SMURF1: variants seen among roughly 807,000 people sequenced by gnomAD.
The protein encoded by SMURF1 is E3 ubiquitin-protein ligase SMURF1.
SMURF1 carries 44 observed loss-of-function variants against 98.0 expected under a neutral mutation model. That is an observed-to-expected ratio of 0.45 (90% CI 0.35 to 0.58). SMURF1 has a LOEUF of 0.58. SMURF1 is among the 20% of genes least tolerant of loss of function. The probability of loss-of-function intolerance (pLI) is 0.00; values close to 1 mark genes in which losing one functional copy is unlikely to be tolerated. For missense variants in SMURF1, 687 were observed against 938.4 expected, an observed-to-expected ratio of 0.73 and a Z score of 3.50; for synonymous variants, 396 against 374.9, an observed-to-expected ratio of 1.06 and a Z score of -0.65.
intron 17 of SMURF1, 29 bp downstream of exon 17, chr7:99,033,008 C>T (rs530844661): frequency 5.3e-5 from 84 of 1,597,340 alleles, no homozygotes; most frequent in East Asian, 3.4e-4. Context: ...GCTCCCAGGA[C>T]GCCGTGACTT....
chr7:99,125,972 G>A (rs954532388), intron 1 of SMURF1, among the ~76,000 whole-genome samples: 20 of 152,074 alleles, frequency 1.3e-4, no homozygotes, highest in Admixed American at 1.1e-3. Flanking sequence ...CTCTGTCTTC[G>A]CTTATGCTAT....
At chr7:99,064,550 G>T (rs180976683) in intron 1 of SMURF1, among the ~76,000 whole-genome samples, 27 of 152,182 alleles carry the variant, frequency 1.8e-4, no homozygotes, top group Admixed American at 1.6e-3. Flanking sequence ...CTTTTCATAA[G>T]TCTATTCAGA....
chr7:99,130,811 G>C (rs1001585575), intron 1 of SMURF1, among the ~76,000 whole-genome samples: 1 of 152,108 alleles, frequency 6.6e-6, no homozygotes, highest in African/African-American at 2.4e-5. Flanking sequence ...TGTATTGTGG[G>C]TGGGACTAAC....
In SMURF1 at chr7:99,033,667, C is replaced by A. The variant is rs534376774; in HGVS notation, c.2012-546G>T. 3.6e-4 allele frequency among the ~76,000 whole-genome samples: 55 copies of A among 152,358 alleles called. 1 individual carries two copies. In the South Asian group the frequency reaches 9.1e-3, roughly 25 times the overall value. The stretch of plus-strand genomic sequence containing the variant: ...AGAGCAAGGACTGCTAAGGCCCCCC[C>A]TAAAGTGCACCCTGACCATGGGCCT... On this transcript the variant is annotated intron_variant, in intron 16 of 17. Coordinates refer to ENST00000361368, the MANE Select transcript of SMURF1 (RefSeq NM_181349.3).
chr7:99,090,559 T>A (rs1243122634), intron 1 of SMURF1, among the ~76,000 whole-genome samples: 1 of 152,184 alleles, frequency 6.6e-6, no homozygotes, highest in Non-Finnish European at 1.5e-5. Flanking sequence ...TATTACATTT[T>A]AGGGGGCAAA....
chr7:99,118,468 A>G (rs367578249), intron 1 of SMURF1, among the ~76,000 whole-genome samples: 11 of 152,242 alleles, frequency 7.2e-5, no homozygotes, highest in African/African-American at 2.7e-4. Flanking sequence ...AAGAAAAAGG[A>G]ATGAAGTATT....
intron 17 of SMURF1, 42 bp from the exon 18 acceptor site, chr7:99,030,725 C>T (rs768222269): frequency 1.3e-6 from 2 of 1,549,830 alleles, no homozygotes; most frequent in South Asian, 2.2e-5. Context: ...GGCAGTCCAG[C>T]CCTAGGACCA....
intron 16 of SMURF1, among the ~76,000 whole-genome samples, chr7:99,034,407 G>A (rs780670341): frequency 7.0e-4 from 106 of 152,186 alleles, no homozygotes; most frequent in Non-Finnish European, 1.4e-3. Context: ...TTAGCATGTG[G>A]ACCTGCTGTG....
chr7:99,030,700 G>A lies in SMURF1; in HGVS notation c.2097-17C>T, dbSNP rs1794841858. ...CGGTTAAAGCTGAAAAAGGACAAAAGAGAGTCACCGTGTGGGCAGTCCAGC... is the reference window on the plus strand; with the variant it reads ...CGGTTAAAGCTGAAAAAGGACAAAAAAGAGTCACCGTGTGGGCAGTCCAGC... On this transcript the variant is annotated splice_polypyrimidine_tract_variant and intron_variant, in intron 17 of 17. Transcript: ENST00000361368. The A allele has an allele frequency of 6.8e-6, 11 of 1,610,346 alleles. No homozygotes were observed. The highest frequency in any genetic ancestry group is 9.3e-6 in the Non-Finnish European group (11 of 1,177,352).
chr7:99,120,753 A>G (rs1181302340), intron 1 of SMURF1: 1 of 151,178 alleles, frequency 6.6e-6, no homozygotes, highest in Non-Finnish European at 1.5e-5. Context: ...TTCACCATCA[A>G]TGGCAGCTTC....
chr7:99,087,561 T>C (rs1436008536), intron 1 of SMURF1, among the ~76,000 whole-genome samples: 1 of 152,114 alleles, frequency 6.6e-6, no homozygotes, highest in East Asian at 1.9e-4. Context: ...AAAACGACAA[T>C]GGCACCTATT....
chr7:99,123,494 G>A (rs1205731560), intron 1 of SMURF1, among the ~76,000 whole-genome samples: 3 of 152,040 alleles, frequency 2.0e-5, no homozygotes, highest in Non-Finnish European at 4.4e-5. Flanking sequence ...TGATTGCACC[G>A]CTGCACTCTA....
At chr7:99,115,695 A>G (rs552640694) in intron 1 of SMURF1, among the ~76,000 whole-genome samples, 27 of 152,198 alleles carry the variant, frequency 1.8e-4, no homozygotes, top group Non-Finnish European at 3.7e-4. Flanking sequence ...AATTCTTAGA[A>G]ATATGCATAC....
At chr7:99,113,031 T>G (rs1797357826) in intron 1 of SMURF1, among the ~76,000 whole-genome samples, 1 of 152,032 alleles carries the variant, frequency 6.6e-6, no homozygotes, top group East Asian at 1.9e-4. Flanking sequence ...AAGAAGTCTG[T>G]GGAATACCAT....
chr7:99,063,255 A>T (rs1170364162), intron 1 of SMURF1, among the ~76,000 whole-genome samples: 8 of 4,574 alleles, frequency 1.7e-3, no homozygotes, highest in East Asian at 0.011. Flanking sequence ...ATATATATAT[A>T]TATATATATA....
At chr7:99,132,163 C>A (rs1327112949) in intron 1 of SMURF1, among the ~76,000 whole-genome samples, 1 of 152,112 alleles carries the variant, frequency 6.6e-6, no homozygotes, top group Admixed American at 6.5e-5. Context: ...GTCAAAGAAA[C>A]CCCAAGCCTG....
At chr7:99,098,691 G>T (rs1033425403) in intron 1 of SMURF1, among the ~76,000 whole-genome samples, 7 of 152,050 alleles carry the variant, frequency 4.6e-5, no homozygotes, top group African/African-American at 1.7e-4. Context: ...AACTAAAACT[G>T]GACAGATTTA....
Position 99,040,389 on chromosome 7 carries a change from C to T in SMURF1, c.1539G>A (p.Leu513=). ...CAGTCAATACTTACAGGATCCACAC[C>T]AAGCTCTTATGCAGCTCTGGGTCCA... ...ESVDPELHKS[L]VWILENDITP... Residue 513 remains leucine (L), a synonymous_variant, in exon 13 of 18, where the codon TTG becomes TTA. Coordinates refer to ENST00000361368, the MANE Select transcript of SMURF1 (RefSeq NM_181349.3). 2.0e-6 allele frequency: 3 copies of T among 1,532,924 alleles called. No individual in the cohort carries two copies. Among genetic ancestry groups the T allele is most frequent in the Non-Finnish European group, 1.8e-6 (2 of 1,139,878 alleles). The allele number at this position is 1,532,924 out of a possible 1,614,324, so 95.0% of individuals were successfully genotyped here. A position where few individuals can be genotyped will look rare whatever the true frequency, so the allele number is the denominator to read the frequency against.
intron 1 of SMURF1, among the ~76,000 whole-genome samples, chr7:99,130,416 G>A (rs1202219980): frequency 6.6e-6 from 1 of 152,196 alleles, no homozygotes; most frequent in Non-Finnish European, 1.5e-5. Context: ...TCACACCACT[G>A]CACTCCAGCC....
Sources: gnomAD v4.1 joint callset for allele counts (sites outside exome capture counted in the v4.1 genomes callset) on GRCh38, gnomAD v4.1.1 for gene constraint, MANE v1.5 for transcripts, NCBI Gene and HGNC (gene_info 2026-07-23, HGNC 2026-07-21) for gene names.